Variants in CALN1 observed in about 807,000 individuals in gnomAD.
The protein encoded by CALN1 is calcium-binding protein 8.
CALN1 carries 17 observed loss-of-function variants against 30.6 expected under a neutral mutation model. The observed-to-expected ratio is 0.56, with a 90% CI of 0.38 to 0.83. The LOEUF is 0.83. Ranked by LOEUF, CALN1 falls within the 40% of genes least tolerant of loss-of-function variation. CALN1 has a pLI of 0.00. For missense variants in CALN1, 291 were observed against 354.9 expected (o/e 0.82, Z 1.45); for synonymous variants, 156 against 131.4 (o/e 1.19, Z -1.28).
intron 5 of CALN1, among the ~76,000 whole-genome samples, chr7:71,885,003 C>A (rs1792814930): frequency 6.6e-6 from 1 of 152,168 alleles, no homozygotes; most frequent in African/African-American, 2.4e-5. Context: ...TTATCTTAAC[C>A]TGAACATTCC....
intron 2 of CALN1, among the ~76,000 whole-genome samples, chr7:72,317,729 G>A (rs560573735): frequency 6.6e-6 from 1 of 152,264 alleles, no homozygotes; most frequent in African/African-American, 2.4e-5. Context: ...AGGGATTTGA[G>A]GAGAACATTA....
chr7:71,821,856 T>C (rs1332086495), intron 5 of CALN1, among the ~76,000 whole-genome samples: 2 of 151,468 alleles, frequency 1.3e-5, no homozygotes, highest in East Asian at 1.9e-4. Flanking sequence ...GGTGTGATCA[T>C]GGCTTACTGC....
chr7:72,194,535 A>C (rs1324530203), intron 3 of CALN1, among the ~76,000 whole-genome samples: 2 of 152,056 alleles, frequency 1.3e-5, no homozygotes, highest in Non-Finnish European at 2.9e-5. Context: ...GTCTCAAACA[A>C]AAACAAAAAC....
At chr7:71,983,566 G>A (rs1432395679) in intron 5 of CALN1, among the ~76,000 whole-genome samples, 1 of 151,806 alleles carries the variant, frequency 6.6e-6, no homozygotes, top group African/African-American at 2.4e-5. Flanking sequence ...AATTTTGCGA[G>A]TGTTGCCGAG....
chr7:72,336,070 G>A (rs1056293486), intron 2 of CALN1, among the ~76,000 whole-genome samples: 4 of 152,164 alleles, frequency 2.6e-5, no homozygotes, highest in African/African-American at 7.2e-5. Flanking sequence ...GGTCCCAGCC[G>A]GACTGCAGAG....
At chr7:72,374,933 A>G (rs1347462155) in intron 2 of CALN1, among the ~76,000 whole-genome samples, 1 of 152,224 alleles carries the variant, frequency 6.6e-6, no homozygotes, top group Non-Finnish European at 1.5e-5. Context: ...TATACATTCA[A>G]GCGCTTTTTA....
the CALN1 span, among the ~76,000 whole-genome samples, chr7:72,456,846 A>G: frequency 1.2e-4 from 18 of 152,102 alleles, no homozygotes; most frequent in East Asian, 3.1e-3. Context: ...GACCCTGTCT[A>G]AAAAAATAAA....
At position 72,101,384 on chromosome 7, in the gene CALN1, T is replaced by C. The variant is rs898860114; in HGVS notation, c.388+4767A>G. 2.0e-5 allele frequency among the ~76,000 whole-genome samples: 3 copies of C among 152,148 alleles called. No individual in the cohort carries two copies. In the East Asian group the frequency reaches 5.8e-4, roughly 29 times the overall value. On this transcript the variant is annotated intron_variant, in intron 4 of 6. Coordinates refer to ENST00000395275, the MANE Select transcript of CALN1 (RefSeq NM_031468.4). ...TGCAAATGTATCTCTGAAATAATGA[T>C]GGAAGTCACTGGAAGTGAGATCTTG...
chr7:72,069,862 G>T (rs1221770118), intron 4 of CALN1, among the ~76,000 whole-genome samples: 1 of 152,064 alleles, frequency 6.6e-6, no homozygotes, highest in Admixed American at 6.5e-5. Context: ...TACGAATAAA[G>T]TAAAGTGTTA....
intron 3 of CALN1, among the ~76,000 whole-genome samples, chr7:72,188,628 A>G (rs1273532765): frequency 6.6e-6 from 1 of 152,212 alleles, no homozygotes; most frequent in Non-Finnish European, 1.5e-5. Context: ...TGGGTGCACC[A>G]AAATCCCACA....
At chr7:72,409,098 A>G (rs2129562848) in intron 1 of CALN1, among the ~76,000 whole-genome samples, 1 of 151,392 alleles carries the variant, frequency 6.6e-6, no homozygotes, top group South Asian at 2.1e-4. Flanking sequence ...CGGATTCAAG[A>G]GATTCTCCTG....
In CALN1 at chr7:72,412,272, T is replaced by C. The variant is rs1266475801; in HGVS notation, c.-288A>G. 2 of 152,074 alleles carry C rather than the reference T, an allele frequency of 1.3e-5. No homozygotes were observed. Among genetic ancestry groups the C allele is most frequent in the East Asian group, 1.9e-4 (1 of 5,192 alleles). 9.4% of individuals were successfully genotyped at this position (152,074 alleles called of 1,614,324 possible). A position where few individuals can be genotyped will look rare whatever the true frequency, so the allele number is the denominator to read the frequency against. ...GGTGGCGCGGACCCAGAGTAAGCAG[T>C]AAGCTTTATTAAGAAGCAGGAAAGA... On this transcript the variant is annotated 5_prime_UTR_variant, in exon 1 of 7. Coordinates refer to ENST00000395275, the MANE Select transcript of CALN1 (RefSeq NM_031468.4).
intron 5 of CALN1, among the ~76,000 whole-genome samples, chr7:71,991,442 G>A (rs576863557): frequency 3.6e-4 from 55 of 151,312 alleles, no homozygotes; most frequent in African/African-American, 1.3e-3. Context: ...CTGGGCAACA[G>A]AGTGAGATTC....
At chr7:72,349,476 G>C (rs1440144632) in intron 2 of CALN1, among the ~76,000 whole-genome samples, 1 of 151,968 alleles carries the variant, frequency 6.6e-6, no homozygotes, top group Admixed American at 6.6e-5. Flanking sequence ...TAATCAAATT[G>C]CTGAAAACCA....
At chr7:71,832,227 A>G (rs956238231) in intron 5 of CALN1, among the ~76,000 whole-genome samples, 1 of 152,162 alleles carries the variant, frequency 6.6e-6, no homozygotes, top group Non-Finnish European at 1.5e-5. Context: ...AAGCAAGAGG[A>G]TGAGATGTCA....
chr7:72,337,176 CCTCCTCCCCAG>C lies in CALN1; in HGVS notation c.120-58377_120-58367del, dbSNP rs1290140233. 6.6e-4 allele frequency: 651 copies of C among 985,342 alleles called. 3 individuals are homozygous for C. Among genetic ancestry groups the C allele is most frequent in the Non-Finnish European group, 6.2e-4 (515 of 829,904 alleles). The allele number at this position is 985,342 out of a possible 1,614,324, so 61.0% of individuals were successfully genotyped here. On this transcript the variant is annotated intron_variant, in intron 2 of 6. Coordinates refer to ENST00000395275, the MANE Select transcript of CALN1 (RefSeq NM_031468.4). The stretch of plus-strand genomic sequence containing the variant: ...CCCTAGAAACTCCATGCAGCTCCGG[CCTCCTCCCCAG>C]CTCCTCCCCAGCGGATCCCCCAGGG...
At chr7:71,851,825 T>G (rs190578595) in intron 5 of CALN1, among the ~76,000 whole-genome samples, 16 of 152,104 alleles carry the variant, frequency 1.1e-4, no homozygotes, top group Admixed American at 9.2e-4. Context: ...AACAAACAAA[T>G]GTGTCTGTGA....
intron 2 of CALN1, among the ~76,000 whole-genome samples, chr7:72,282,874 T>G (rs1433322627): frequency 3.3e-5 from 5 of 151,968 alleles, no homozygotes; most frequent in African/African-American, 1.2e-4. Context: ...GACAACATGG[T>G]GAAACCCCGT....
At chr7:72,152,414 C>G (rs541929647) in intron 3 of CALN1, among the ~76,000 whole-genome samples, 50 of 152,308 alleles carry the variant, frequency 3.3e-4, no homozygotes, top group African/African-American at 1.2e-3. Flanking sequence ...GAGCTACGAT[C>G]TTCACATAGC....
Sources: gnomAD v4.1 joint callset for allele counts (sites outside exome capture counted in the v4.1 genomes callset) on GRCh38, gnomAD v4.1.1 for gene constraint, MANE v1.5 for transcripts, NCBI Gene and HGNC (gene_info 2026-07-23, HGNC 2026-07-21) for gene names.